The following TAB2 variants were observed in gnomAD, a reference collection of about 807,000 sequenced individuals.
TAB2 encodes TGF-beta activated kinase 1 (MAP3K7) binding protein 2.
In TAB2, 3 loss-of-function variants were observed where a neutral mutation model predicts 65.0. That is an observed-to-expected ratio of 0.05 (90% CI 0.02 to 0.12). The LOEUF is 0.12. Among genes scored for constraint, TAB2 ranks in the 10% least tolerant of loss-of-function variants. TAB2 has a pLI of 1.00. For synonymous variants in TAB2, 298 were observed against 285.1 expected, an observed-to-expected ratio of 1.05 and a Z score of -0.46; for missense variants, 623 against 840.3, an observed-to-expected ratio of 0.74 and a Z score of 3.20.
At chr6:149,268,333 G>A (rs763562768) in intron 1 of TAB2, among the ~76,000 whole-genome samples, 1 of 152,202 alleles carries the variant, frequency 6.6e-6, no homozygotes, top group Non-Finnish European at 1.5e-5. Context: ...CCAGAAGTTA[G>A]TCACGTGGTC....
chr6:149,386,204 T>C (rs1209563142), intron 3 of TAB2, among the ~76,000 whole-genome samples: 1 of 152,222 alleles, frequency 6.6e-6, no homozygotes, highest in African/African-American at 2.4e-5. Context: ...ATTCACTAAA[T>C]GAGAACAGTA....
intron 1 of TAB2, among the ~76,000 whole-genome samples, chr6:149,353,998 T>C (rs1253410836): frequency 6.6e-6 from 1 of 152,200 alleles, no homozygotes; most frequent in Non-Finnish European, 1.5e-5. Flanking sequence ...ATCCTGCTTC[T>C]CTATTTGCAT....
rs1406797496 is a variant in TAB2 at position 149,379,179 on chromosome 6, A to G, written c.1264A>G (p.Met422Val). The change falls in exon 3 of 7, where the codon ATG becomes GTG. Residue 422 changes from methionine to valine, a missense_variant. By Grantham distance (21) the Met-to-Val change is conservative (BLOSUM62 1). This residue lies in a region of TAB2 where 550 missense variants were observed against 665.7 expected (regional missense o/e 0.83). Coordinates refer to ENST00000637181, the MANE Select transcript of TAB2 (RefSeq NM_001292034.3). The part of the protein sequence containing the change: ...NSGASAASRN[M>V]SGQVSMGPAF... Reference sequence around the variant, plus strand: ...TGGAGCATCTGCTGCCTCCAGGAACATGTCTGGGCAAGTGAGCATGGGTCC... The same window carrying G: ...TGGAGCATCTGCTGCCTCCAGGAACGTGTCTGGGCAAGTGAGCATGGGTCC... 4 of 1,614,206 alleles carry G rather than the reference A, an allele frequency of 2.5e-6. No individual in the cohort carries two copies. Among genetic ancestry groups the G allele is most frequent in the Admixed American group, 3.3e-5 (2 of 60,030 alleles).
intron 1 of TAB2, chr6:149,230,073 C>T (rs1777370205): frequency 6.6e-6 from 1 of 152,190 alleles, no homozygotes; most frequent in African/African-American, 2.4e-5. Context: ...GCTGAATGGA[C>T]TTTGTGTCGT....
chr6:149,317,268 T>TC (rs1019566657), upstream of TAB2, among the ~76,000 whole-genome samples: 4 of 151,552 alleles, frequency 2.6e-5, no homozygotes, highest in African/African-American at 9.7e-5. The surrounding 1 kb of genome is among the most constrained non-coding windows in gnomAD (Gnocchi z 4.7). Context: ...GTCCCAGCCC[T>TC]CCCCGGGCTG....
rs761987902 is a variant in TAB2 at position 149,411,557 on chromosome 6, A to G, written c.*1838A>G. The G allele has an allele frequency of 1.3e-5, 2 of 153,572 alleles. No homozygotes were observed. The highest frequency in any genetic ancestry group is 3.4e-3 in the Middle Eastern group (1 of 294). The allele number at this position is 153,572 out of a possible 1,614,324, so 9.5% of individuals were successfully genotyped here. ...GTTTTGTGATTTAGCTGGGTAAACT[A>G]TCTTTGTAACAGATAAGTTATTTAT... On this transcript the variant is annotated 3_prime_UTR_variant, in exon 7 of 7. Transcript: ENST00000637181.
At chr6:149,342,530 T>A (rs1443296484) in intron 1 of TAB2, 2 of 152,220 alleles carry the variant, frequency 1.3e-5, no homozygotes, top group Admixed American at 6.5e-5. Flanking sequence ...ATCCTTTGGT[T>A]ACTTGCAATT....
chr6:149,386,047 T>C (rs1781797325), intron 3 of TAB2, among the ~76,000 whole-genome samples: 1 of 152,132 alleles, frequency 6.6e-6, no homozygotes, highest in Non-Finnish European at 1.5e-5. Flanking sequence ...CTTCCCATTA[T>C]ATTCATTCCC....
chr6:149,222,560 C>A (rs1240737249), intron 1 of TAB2, among the ~76,000 whole-genome samples: 1 of 150,296 alleles, frequency 6.7e-6, no homozygotes, highest in Admixed American at 6.7e-5. Flanking sequence ...GGAGGTTGCA[C>A]TGAACTGAGA....
At chr6:149,309,598 C>T (rs1199822718) in intron 1 of TAB2, among the ~76,000 whole-genome samples, 3 of 151,978 alleles carry the variant, frequency 2.0e-5, no homozygotes, top group Admixed American at 2.0e-4. Flanking sequence ...GGGGTTTCAC[C>T]GTGTTAGCCA....
At chr6:149,400,954 T>C in intron 6 of TAB2, 1 of 408,922 alleles carries the variant, frequency 2.4e-6, no homozygotes, top group South Asian at 5.4e-5. Context: ...ATACTGATTC[T>C]GTGAAAATAC....
chr6:149,371,486 C>T (rs1781224955), intron 2 of TAB2, among the ~76,000 whole-genome samples: 1 of 152,206 alleles, frequency 6.6e-6, no homozygotes, highest in Non-Finnish European at 1.5e-5. Context: ...AATTCTCCCA[C>T]CAGCAATGCC....
intron 1 of TAB2, among the ~76,000 whole-genome samples, chr6:149,341,972 A>G (rs2114780834): frequency 6.6e-6 from 1 of 151,964 alleles, no homozygotes; most frequent in South Asian, 2.1e-4. Context: ...TATTCATAAT[A>G]TCCTATTATT....
chr6:149,390,809 C>G (rs1430609687), intron 3 of TAB2, among the ~76,000 whole-genome samples: 1 of 151,996 alleles, frequency 6.6e-6, no homozygotes, highest in Non-Finnish European at 1.5e-5. Context: ...ATATTTTTTT[C>G]TTTACCTGTA....
intron 1 of TAB2, among the ~76,000 whole-genome samples, chr6:149,267,263 C>G (rs1244249983): frequency 6.6e-6 from 1 of 152,098 alleles, no homozygotes; most frequent in Non-Finnish European, 1.5e-5. Context: ...GCAAGGCAAA[C>G]AGGAAACAGC....
At chr6:149,315,332 G>T (rs1397130301), upstream of TAB2, among the ~76,000 whole-genome samples, 2 of 152,040 alleles carry the variant, frequency 1.3e-5, no homozygotes, top group African/African-American at 4.8e-5. Context: ...TCACCACCAA[G>T]GTTTAAATTG....
intron 1 of TAB2, among the ~76,000 whole-genome samples, chr6:149,332,749 A>C (rs1026855268): frequency 8.5e-5 from 13 of 152,310 alleles, no homozygotes; most frequent in Admixed American, 8.5e-4. Flanking sequence ...AGGAATGTAA[A>C]ATAGCTGGCA....
At chr6:149,376,436 A>G (rs1188285289) in intron 2 of TAB2, among the ~76,000 whole-genome samples, 1 of 152,218 alleles carries the variant, frequency 6.6e-6, no homozygotes, top group Non-Finnish European at 1.5e-5. Context: ...CAATACAAAT[A>G]TTTAGCTCCA....
chr6:149,280,169 TTTC>T (rs1479956938), intron 1 of TAB2, among the ~76,000 whole-genome samples: 3 of 152,256 alleles, frequency 2.0e-5, no homozygotes, highest in Non-Finnish European at 4.4e-5. Flanking sequence ...ATTCCACAAC[TTTC>T]TTGTTTCTTT....
Sources: gnomAD v4.1 joint callset for allele counts (sites outside exome capture counted in the v4.1 genomes callset) on GRCh38, gnomAD v4.1.1 for gene constraint, gnomAD v4.1.1 regional missense constraint, Gnocchi (gnomAD v3.1) non-coding constraint, MANE v1.5 for transcripts, NCBI Gene and HGNC (gene_info 2026-07-23, HGNC 2026-07-21) for gene names.